SLCO6A1: variants seen among roughly 807,000 people sequenced by gnomAD.
SLCO6A1 encodes the protein solute carrier organic anion transporter family member 6A1.
SLCO6A1 carries 65 observed loss-of-function variants against 72.7 expected under a neutral mutation model. That is an observed-to-expected ratio of 0.89 (90% confidence interval 0.73 to 1.10). The LOEUF is 1.10. Ranked by LOEUF, SLCO6A1 falls within the 50% of genes least tolerant of loss-of-function variation. SLCO6A1 has a pLI of 0.00. For synonymous variants in SLCO6A1, 314 were observed against 298.2 expected, an observed-to-expected ratio of 1.05 and a Z score of -0.55; for missense variants, 874 against 872.6, an observed-to-expected ratio of 1.00 and a Z score of -0.02.
At chr5:102,432,592 G>A (rs2112659240) in intron 7 of SLCO6A1, among the ~76,000 whole-genome samples, 1 of 152,304 alleles carries the variant, frequency 6.6e-6, no homozygotes, top group Admixed American at 6.5e-5. Flanking sequence ...GGTTTCTGCT[G>A]AGAAGTCTGC....
chr5:102,385,615 G>A (rs1746368202), intron 12 of SLCO6A1, among the ~76,000 whole-genome samples: 1 of 151,830 alleles, frequency 6.6e-6, no homozygotes, highest in African/African-American at 2.4e-5. Context: ...AAATTTTTCA[G>A]TTTAATTATT....
At chr5:102,460,399 A>G (rs986956234) in intron 4 of SLCO6A1, among the ~76,000 whole-genome samples, 4 of 152,098 alleles carry the variant, frequency 2.6e-5, no homozygotes, top group African/African-American at 9.7e-5. Context: ...AAAGCCTTGC[A>G]GTGGGGAAGG....
At chr5:102,387,357 C>A (rs1327202394) in intron 12 of SLCO6A1, among the ~76,000 whole-genome samples, 1 of 152,174 alleles carries the variant, frequency 6.6e-6, no homozygotes, top group Non-Finnish European at 1.5e-5. Flanking sequence ...CTTTCAATAG[C>A]TCCCTACTGG....
intron 7 of SLCO6A1, among the ~76,000 whole-genome samples, chr5:102,427,840 G>GTGTATATATATATATATATATATA (rs1748980248): frequency 8.8e-5 from 9 of 102,750 alleles, no homozygotes; most frequent in South Asian, 3.4e-4. Context: ...GTGTGTGTAT[G>GTGTATATATATATATATATATATA]TATACATATA....
At position 102,410,038 on chromosome 5, in the gene SLCO6A1, A is replaced by C. The variant is rs1439961650; in HGVS notation, c.1626+2952T>G. ...TGGAGGCTGGAAATCTCTGTGGCTA[A>C]TGTGCCTTTGCCCAAGTTCTTATCC... On this transcript the variant is annotated intron_variant, in intron 9 of 13. Coordinates refer to ENST00000506729, the MANE Select transcript of SLCO6A1 (RefSeq NM_173488.5). Among the ~76,000 whole-genome samples, 5 of 152,180 alleles carry C rather than the reference A, an allele frequency of 3.3e-5. No individual in the cohort carries two copies. In the South Asian group the frequency reaches 1.0e-3, roughly 32 times the overall value.
chr5:102,463,946 A>T (rs1225676080), intron 4 of SLCO6A1, among the ~76,000 whole-genome samples: 2 of 151,844 alleles, frequency 1.3e-5, no homozygotes, highest in East Asian at 3.9e-4. Flanking sequence ...AGCAACCTGG[A>T]TGGAACTGCG....
At chr5:102,498,423 T>G (rs1234365300) in intron 1 of SLCO6A1, 64 bp downstream of exon 1, 24 of 1,493,498 alleles carry the variant, frequency 1.6e-5, no homozygotes, top group Non-Finnish European at 2.2e-5. Flanking sequence ...ATACTCCCTC[T>G]CCCGCCTCCG....
At chr5:102,390,497 CT>C (rs1438424286) in intron 11 of SLCO6A1, among the ~76,000 whole-genome samples, 1 of 152,068 alleles carries the variant, frequency 6.6e-6, no homozygotes, top group Non-Finnish European at 1.5e-5. Context: ...CATTTGAAAT[CT>C]AGTTTTTGCT....
At chr5:102,429,362 T>C (rs1229110140) in intron 7 of SLCO6A1, among the ~76,000 whole-genome samples, 2 of 152,210 alleles carry the variant, frequency 1.3e-5, no homozygotes, top group Non-Finnish European at 2.9e-5. Context: ...GGAGTCTACG[T>C]CCTAAAATCT....
At chr5:102,483,124 GTATC>G (rs1460538279) in intron 1 of SLCO6A1, among the ~76,000 whole-genome samples, 2 of 151,610 alleles carry the variant, frequency 1.3e-5, no homozygotes, top group African/African-American at 2.4e-5. Context: ...GCTAATATTC[GTATC>G]TATCTATCTA....
chr5:102,465,800 C>T (rs1246730878), intron 4 of SLCO6A1, among the ~76,000 whole-genome samples: 1 of 152,076 alleles, frequency 6.6e-6, no homozygotes, highest in Non-Finnish European at 1.5e-5. Flanking sequence ...CCCAAACTAT[C>T]ATTCCTATAA....
At chr5:102,422,333 A>G (rs1442172297) in intron 7 of SLCO6A1, among the ~76,000 whole-genome samples, 3 of 152,236 alleles carry the variant, frequency 2.0e-5, no homozygotes, top group Non-Finnish European at 2.9e-5. Context: ...CTCTGAGCTA[A>G]AGGAGCACAT....
chr5:102,450,335 T>A lies in SLCO6A1; in HGVS notation c.1131+8047A>T, dbSNP rs553161333. ...GGATGTTTTCAGAGGGCCAAGGCTT[T>A]GTGCAGCATCTTTATTTGTGACAGA... On this transcript the variant is annotated intron_variant, in intron 6 of 13. Transcript: ENST00000506729. 5.9e-5 allele frequency among the ~76,000 whole-genome samples: 9 copies of A among 152,346 alleles called. No individual in the cohort carries two copies. The South Asian group carries it at 1.9e-3, about 32-fold the overall frequency.
chr5:102,455,985 A>G (rs188596045), intron 6 of SLCO6A1, among the ~76,000 whole-genome samples: 17 of 152,362 alleles, frequency 1.1e-4, no homozygotes, highest in Admixed American at 1.0e-3. Flanking sequence ...CAGCATATAA[A>G]GAGAACCAAC....
intron 10 of SLCO6A1, among the ~76,000 whole-genome samples, chr5:102,394,473 C>T (rs1233214330): frequency 2.0e-5 from 3 of 151,692 alleles, no homozygotes; most frequent in African/African-American, 7.3e-5. Context: ...TGTAAGGTTA[C>T]CTATATCATA....
chr5:102,385,863 A>G (rs1746391213), intron 12 of SLCO6A1, among the ~76,000 whole-genome samples: 1 of 133,584 alleles, frequency 7.5e-6, no homozygotes, highest in South Asian at 2.3e-4. Flanking sequence ...ATGGCCTCTG[A>G]CTATGTTGCC....
intron 6 of SLCO6A1, among the ~76,000 whole-genome samples, chr5:102,446,752 CGTTTTTT>C (rs57653487): frequency 6.6e-6 from 1 of 150,376 alleles, no homozygotes; most frequent in Non-Finnish European, 1.5e-5. Flanking sequence ...TTTGTTGAAA[CGTTTTTT>C]GTTTTTTGTT....
chr5:102,393,448 T>A (rs1176340444), intron 10 of SLCO6A1, among the ~76,000 whole-genome samples: 1 of 152,200 alleles, frequency 6.6e-6, no homozygotes, highest in Non-Finnish European at 1.5e-5. Context: ...CATCTGTTGT[T>A]CCCACTGTGT....
Position 102,458,440 on chromosome 5 carries a change from C to T in SLCO6A1, c.1073G>A (p.Ser358Asn). The T allele has an allele frequency of 1.2e-6, 2 of 1,612,880 alleles. No individual in the cohort carries two copies. The highest frequency in any genetic ancestry group is 1.7e-6 in the Non-Finnish European group (2 of 1,179,404). Residue 358 changes from serine to asparagine, a missense_variant, in exon 6 of 14, where the codon AGC (serine) becomes AAC (asparagine). By Grantham distance (46) the Ser-to-Asn change is conservative. Transcript: ENST00000506729. ...TCCAAGTTTCAGATCTTTAAGTCTG[C>T]TGTCAAAAAAATGAAGCTGTTTACG... ...RKRKQLHFFD[S>N]RLKDLKLGTN...
Sources: allele counts gnomAD v4.1 joint callset (sites outside exome capture counted in the v4.1 genomes callset), GRCh38; gene constraint gnomAD v4.1.1; transcripts MANE v1.5; gene names NCBI Gene and HGNC (gene_info 2026-07-23, HGNC 2026-07-21).